Variants in TRPM3 observed in about 807,000 individuals in gnomAD.
TRPM3 encodes the protein long transient receptor potential channel 3.
Under a neutral mutation model 181.2 loss-of-function variants are expected in TRPM3, and 77 were observed. That is an observed-to-expected ratio of 0.42 (90% confidence interval 0.35 to 0.51). TRPM3 has a LOEUF of 0.51. Ranked by LOEUF, TRPM3 falls within the 20% of genes least tolerant of loss-of-function variation. The probability of loss-of-function intolerance (pLI) is 0.01; values close to 1 mark genes in which losing one functional copy is unlikely to be tolerated. For missense variants in TRPM3, 1,759 were observed against 2,196.7 expected (o/e 0.80, Z 3.98); for synonymous variants, 745 against 796.4 (o/e 0.94, Z 1.09).
chr9:71,419,968 A>G (rs1238924366), intron 1 of TRPM3, among the ~76,000 whole-genome samples: 2 of 151,992 alleles, frequency 1.3e-5, no homozygotes, highest in African/African-American at 2.4e-5. Flanking sequence ...ATACAACATA[A>G]CTATTCTTTT....
At chr9:70,628,508 G>A (rs1051812535) in intron 12 of TRPM3, among the ~76,000 whole-genome samples, 1 of 152,132 alleles carries the variant, frequency 6.6e-6, no homozygotes, top group Admixed American at 6.5e-5. Context: ...CTATAAATTT[G>A]TGCCTAGTTT....
intron 19 of TRPM3, 130 bp downstream of exon 19, chr9:70,610,479 C>T: frequency 8.5e-7 from 1 of 1,170,384 alleles, no homozygotes; most frequent in Non-Finnish European, 1.2e-6. Context: ...ATTGAAAAAG[C>T]AAGGTCACAG....
intron 1 of TRPM3, among the ~76,000 whole-genome samples, chr9:71,194,402 C>T (rs187789092): frequency 1.5e-3 from 228 of 151,998 alleles, no homozygotes; most frequent in African/African-American, 4.4e-3. Context: ...TCAGGTGTGG[C>T]CCTGTTGCTG....
At chr9:70,872,083 A>G (rs920380816) in intron 1 of TRPM3, among the ~76,000 whole-genome samples, 16 of 152,004 alleles carry the variant, frequency 1.1e-4, no homozygotes, top group Admixed American at 1.3e-4. Flanking sequence ...AGCATGATAT[A>G]AAGTAGTGGT....
At chr9:70,653,147 A>C (rs975303469) in intron 9 of TRPM3, among the ~76,000 whole-genome samples, 4 of 152,312 alleles carry the variant, frequency 2.6e-5, no homozygotes, top group East Asian at 1.9e-4. Flanking sequence ...GGGTTTAGCC[A>C]AGAAGAGAGG....
rs564200820 is a variant in TRPM3, at chr9:70,573,893, G to T, written c.3223+17138C>A. ...AACAGCTCCTAACCTGCAGGATCTG[G>T]TGTTTGTTGAGCCCTCAAAAAGGGT... On this transcript the variant is annotated intron_variant, in intron 22 of 25. Transcript: ENST00000677713. Among the ~76,000 whole-genome samples, 4 of 151,824 alleles carry T rather than the reference G, an allele frequency of 2.6e-5. No homozygotes were observed. In the South Asian group the frequency reaches 8.3e-4, roughly 32 times the overall value.
At chr9:70,553,513 C>CGGT (rs1468350887) in intron 22 of TRPM3, among the ~76,000 whole-genome samples, 1 of 152,046 alleles carries the variant, frequency 6.6e-6, no homozygotes, top group Non-Finnish European at 1.5e-5. Context: ...TGGGGGGCCT[C>CGGT]GGTTCCACAG....
intron 1 of TRPM3, among the ~76,000 whole-genome samples, chr9:70,906,655 C>A (rs2096468090): frequency 6.6e-6 from 1 of 152,196 alleles, no homozygotes; most frequent in South Asian, 2.1e-4. Flanking sequence ...GTAATCCCAG[C>A]ACTTTGAGAG....
intron 6 of TRPM3, among the ~76,000 whole-genome samples, chr9:70,805,166 A>AAAGAGAGGGAG (rs1295538134): frequency 3.3e-5 from 5 of 150,912 alleles, no homozygotes; most frequent in Non-Finnish European, 7.4e-5. Flanking sequence ...CATGATCATG[A>AAAGAGAGGGAG]AAGAGAGGGA....
chr9:70,559,468 C>G (rs949160296), intron 22 of TRPM3, among the ~76,000 whole-genome samples: 1 of 152,144 alleles, frequency 6.6e-6, no homozygotes, highest in African/African-American at 2.4e-5. Context: ...AGCAATAGGT[C>G]TGGTCTTTGA....
chr9:70,949,439 T>C (rs1034930676), intron 1 of TRPM3, among the ~76,000 whole-genome samples: 1 of 152,096 alleles, frequency 6.6e-6, no homozygotes, highest in African/African-American at 2.4e-5. Context: ...ACAAGGACTT[T>C]CATGTGGCCA....
At chr9:71,219,257 A>T (rs1354938118) in intron 1 of TRPM3, among the ~76,000 whole-genome samples, 1 of 152,114 alleles carries the variant, frequency 6.6e-6, no homozygotes, top group Non-Finnish European at 1.5e-5. Flanking sequence ...GCCATTAAAA[A>T]CTTTCTAAAA....
At position 70,536,721 on chromosome 9, in the gene TRPM3, G is replaced by T; in HGVS notation, c.4392C>A (p.Asp1464Glu). The stretch of plus-strand genomic sequence containing the variant: ...AATCAATGCTCCGGCTTGGAGGTCT[G>T]TCTGTGGGTGCAAGTGTTGCATAGG... ...SSAYATLAPT[D>E]RPPSRSIDFE... Residue 1464 changes from aspartate (D) to glutamate (E), a missense_variant, in exon 26 of 26, where the codon GAC becomes GAA. Physicochemically the swap from Asp to Glu is conservative, Grantham distance 45. Coordinates refer to ENST00000677713, the MANE Select transcript of TRPM3 (RefSeq NM_001366145.2). The T allele has an allele frequency of 6.2e-7, 1 of 1,614,186 alleles. No individual in the cohort carries two copies. The highest frequency in any genetic ancestry group is 8.5e-7 in the Non-Finnish European group (1 of 1,180,046).
intron 5 of TRPM3, among the ~76,000 whole-genome samples, chr9:70,841,654 AT>A (rs1564540338): frequency 0.04 from 4,889 of 123,658 alleles, 188 homozygotes; most frequent in South Asian, 0.094. Flanking sequence ...ATATATATAT[AT>A]ATATATCCCA....
intron 1 of TRPM3, chr9:71,446,530 C>G (rs577161705): frequency 1.0e-6 from 1 of 982,116 alleles, no homozygotes; most frequent in Non-Finnish European, 1.5e-6. Flanking sequence ...TCATTAGAAG[C>G]GGCGCCACAA....
chr9:70,543,596 G>A (rs1175173509), intron 25 of TRPM3, among the ~76,000 whole-genome samples: 2 of 152,040 alleles, frequency 1.3e-5, no homozygotes, highest in Non-Finnish European at 2.9e-5. Flanking sequence ...AACATGTGAT[G>A]TTTGTCTTTC....
At chr9:71,014,506 C>G (rs2097769219) in intron 1 of TRPM3, among the ~76,000 whole-genome samples, 1 of 152,026 alleles carries the variant, frequency 6.6e-6, no homozygotes, top group Admixed American at 6.5e-5. Context: ...TCTTGCATCT[C>G]TCTGAATTTC....
At chr9:70,555,443 A>G (rs1442180253) in intron 22 of TRPM3, among the ~76,000 whole-genome samples, 2 of 152,224 alleles carry the variant, frequency 1.3e-5, no homozygotes, top group African/African-American at 4.8e-5. Context: ...CATCTGGCTC[A>G]GTGCATACAC....
intron 1 of TRPM3, among the ~76,000 whole-genome samples, chr9:71,304,988 G>C (rs565737494): frequency 6.6e-6 from 1 of 152,158 alleles, no homozygotes; most frequent in South Asian, 2.1e-4. Context: ...TCAAGATTTG[G>C]CCTTCCCTGT....
Sources: gnomAD v4.1 joint callset for allele counts (sites outside exome capture counted in the v4.1 genomes callset) on GRCh38, gnomAD v4.1.1 for gene constraint, MANE v1.5 for transcripts, NCBI Gene and HGNC (gene_info 2026-07-23, HGNC 2026-07-21) for gene names.